TGFBR2: variants seen among roughly 807,000 people sequenced by gnomAD.
TGFBR2 encodes transforming growth factor beta receptor 2.
A neutral mutation model predicts 49.0 loss-of-function variants in TGFBR2; 18 were observed. That is an observed-to-expected ratio of 0.37 (90% CI 0.25 to 0.54). TGFBR2 has a LOEUF of 0.54. Among genes scored for constraint, TGFBR2 ranks in the 20% least tolerant of loss-of-function variants. The pLI is 0.85. For synonymous variants in TGFBR2, 282 were observed against 275.9 expected, an observed-to-expected ratio of 1.02 and a Z score of -0.22; for missense variants, 525 against 722.6, an observed-to-expected ratio of 0.73 and a Z score of 3.13.
chr3:30,656,927 C>A (rs147020737), intron 3 of TGFBR2, among the ~76,000 whole-genome samples: 1 of 152,212 alleles, frequency 6.6e-6, no homozygotes, highest in Non-Finnish European at 1.5e-5. Context: ...CCTTGGATTG[C>A]AGCCTACTCT....
At chr3:30,625,623 A>G (rs1034696276) in intron 1 of TGFBR2, among the ~76,000 whole-genome samples, 1 of 152,206 alleles carries the variant, frequency 6.6e-6, no homozygotes, top group Non-Finnish European at 1.5e-5. Context: ...AAATTAATCT[A>G]AAATTATTTT....
At chr3:30,648,195 G>C (rs1368252818) in intron 2 of TGFBR2, among the ~76,000 whole-genome samples, 1 of 152,134 alleles carries the variant, frequency 6.6e-6, no homozygotes, top group Non-Finnish European at 1.5e-5. Flanking sequence ...GCTTTACCAG[G>C]TCTCAAGTAT....
chr3:30,648,116 A>G (rs185501241), intron 2 of TGFBR2, among the ~76,000 whole-genome samples: 1 of 152,298 alleles, frequency 6.6e-6, no homozygotes, highest in East Asian at 1.9e-4. Flanking sequence ...GCTCAGCTAT[A>G]TCCAAAAAGA....
At chr3:30,669,458 C>T (rs900275864) in intron 3 of TGFBR2, among the ~76,000 whole-genome samples, 10 of 152,022 alleles carry the variant, frequency 6.6e-5, no homozygotes, top group African/African-American at 1.2e-4. Context: ...AGTCTCCAAG[C>T]GGAAAGGACG....
rs1338244861 is a variant in TGFBR2 at position 30,693,591 on chromosome 3, A to G, written c.*1992A>G. ...AATAGAACCTCTAGGCACCCTCCTC[A>G]GTGTGGGTGGGCTGAGAGTTAAAGA... On this transcript the variant is annotated 3_prime_UTR_variant, in exon 7 of 7. Transcript: ENST00000295754. 1.7e-5 allele frequency: 4 copies of G among 233,414 alleles called. No individual in the cohort carries two copies. Among genetic ancestry groups the G allele is most frequent in the Non-Finnish European group, 3.4e-5 (4 of 117,804 alleles). 14.5% of individuals were successfully genotyped at this position (233,414 alleles called of 1,614,324 possible).
chr3:30,621,556 C>T (rs1698232659), intron 1 of TGFBR2, among the ~76,000 whole-genome samples: 1 of 152,196 alleles, frequency 6.6e-6, no homozygotes, highest in South Asian at 2.1e-4. Flanking sequence ...GCTGGGATTA[C>T]AGGCATGGGC....
chr3:30,618,827 T>C (rs973993775), intron 1 of TGFBR2, among the ~76,000 whole-genome samples: 1 of 152,250 alleles, frequency 6.6e-6, no homozygotes, highest in African/African-American at 2.4e-5. Flanking sequence ...TAAATTTCTC[T>C]TGAATTGCTC....
chr3:30,691,348 G>A, intron 6 of TGFBR2, 72 bp from the exon 7 acceptor site: 2 of 1,560,008 alleles, frequency 1.3e-6, no homozygotes, highest in Non-Finnish European at 1.8e-6. Flanking sequence ...TAGCAACAAG[G>A]TCAGCAGGCC....
intron 1 of TGFBR2, among the ~76,000 whole-genome samples, chr3:30,642,529 C>A (rs1400071521): frequency 2.0e-5 from 3 of 152,116 alleles, no homozygotes; most frequent in Non-Finnish European, 2.9e-5. Context: ...TCAACATGCT[C>A]TCCAAGTTGA....
intron 3 of TGFBR2, among the ~76,000 whole-genome samples, chr3:30,655,474 C>T (rs771438177): frequency 2.6e-5 from 4 of 152,160 alleles, no homozygotes; most frequent in Non-Finnish European, 5.9e-5. Flanking sequence ...TAACCACATC[C>T]CTGTCATTGT....
chr3:30,659,775 T>A (rs911815899), intron 3 of TGFBR2, among the ~76,000 whole-genome samples: 1 of 151,660 alleles, frequency 6.6e-6, no homozygotes. Flanking sequence ...GCCTCAGGTC[T>A]CTCCCACTGC....
intron 1 of TGFBR2, among the ~76,000 whole-genome samples, chr3:30,631,069 T>C (rs1170989823): frequency 1.4e-5 from 2 of 145,088 alleles, no homozygotes; most frequent in African/African-American, 5.1e-5. Context: ...AAATACAGAG[T>C]CTTGCTCTGT....
At chr3:30,611,297 T>C (rs1575128050) in intron 1 of TGFBR2, among the ~76,000 whole-genome samples, 1 of 152,304 alleles carries the variant, frequency 6.6e-6, no homozygotes, top group Non-Finnish European at 1.5e-5. Context: ...TCACTGTTTG[T>C]TAGGTGTTTG....
intron 1 of TGFBR2, among the ~76,000 whole-genome samples, chr3:30,627,185 A>G (rs1698347779): frequency 6.6e-6 from 1 of 152,218 alleles, no homozygotes; most frequent in South Asian, 2.1e-4. Context: ...CGCACACAGT[A>G]GCCTAGAGAC....
chr3:30,693,533 T>C lies in TGFBR2; in HGVS notation c.*1934T>C. ...TTGGATGGTGGAAGGTCTCATTTTA[T>C]TGAGATTTTTAAGATACATGCAAAG... On this transcript the variant is annotated 3_prime_UTR_variant, in exon 7 of 7. Transcript: ENST00000295754. The C allele has an allele frequency of 4.3e-6, 1 of 233,592 alleles. No homozygotes were observed. Among genetic ancestry groups the C allele is most frequent in the Non-Finnish European group, 8.5e-6 (1 of 117,902 alleles). The allele number at this position is 233,592 out of a possible 1,614,324, so 14.5% of individuals were successfully genotyped here.
intron 2 of TGFBR2, among the ~76,000 whole-genome samples, chr3:30,650,055 A>G (rs561403592): frequency 1.4e-4 from 21 of 152,002 alleles, no homozygotes; most frequent in South Asian, 1.2e-3. Context: ...GGTTCCAAGA[A>G]TAAACAAAGG....
Position 30,630,233 on chromosome 3 carries a change from G to T in TGFBR2, c.95-14514G>T, listed in dbSNP as rs544720179. On this transcript the variant is annotated intron_variant, in intron 1 of 6. Coordinates refer to ENST00000295754, the MANE Select transcript of TGFBR2 (RefSeq NM_003242.6). ...GGGTTCTCACCCCAGAATGAGATAG[G>T]TTTAATAGATAAGATTCAGTGTGGG... Among the ~76,000 whole-genome samples the T allele has an allele frequency of 3.3e-5, 5 of 152,280 alleles. No homozygotes were observed. The South Asian group carries it at 1.0e-3, about 32-fold the overall frequency.
chr3:30,677,264 A>T (rs569228244), intron 5 of TGFBR2, among the ~76,000 whole-genome samples: 1 of 152,340 alleles, frequency 6.6e-6, no homozygotes, highest in South Asian at 2.1e-4. Context: ...AGGTCTAAAA[A>T]CAGTTAGAAT....
At chr3:30,669,435 C>G (rs1468417713) in intron 3 of TGFBR2, among the ~76,000 whole-genome samples, 1 of 151,988 alleles carries the variant, frequency 6.6e-6, no homozygotes, top group African/African-American at 2.4e-5. Flanking sequence ...ACAATTCTCT[C>G]TGTAGAGAAA....
Sources: gnomAD v4.1 joint callset for allele counts (sites outside exome capture counted in the v4.1 genomes callset) on GRCh38, gnomAD v4.1.1 for gene constraint, MANE v1.5 for transcripts, NCBI Gene and HGNC (gene_info 2026-07-23, HGNC 2026-07-21) for gene names.